The following LPAR1 variants were observed in gnomAD, a reference collection of about 807,000 sequenced individuals.
The protein encoded by LPAR1 is lysophosphatidic acid receptor 1, also known as LPA receptor 1.
In LPAR1, 5 loss-of-function variants were observed where a neutral mutation model predicts 23.8. The observed-to-expected ratio is 0.21, with a 90% CI of 0.11 to 0.44. LPAR1 has a LOEUF of 0.44. Among genes scored for constraint, LPAR1 ranks in the 20% least tolerant of loss-of-function variants. LPAR1 has a pLI of 0.99. For missense variants in LPAR1, 311 were observed against 482.8 expected, an observed-to-expected ratio of 0.64 and a Z score of 3.33; for synonymous variants, 160 against 164.7, an observed-to-expected ratio of 0.97 and a Z score of 0.22.
intron 5 of LPAR1, among the ~76,000 whole-genome samples, chr9:110,896,682 C>T (rs947608486): frequency 2.6e-5 from 4 of 151,982 alleles, no homozygotes; most frequent in African/African-American, 4.8e-5. Context: ...ATTTAAGCAC[C>T]GTATGAACTT....
At chr9:110,949,772 T>A (rs1312991452) in intron 4 of LPAR1, among the ~76,000 whole-genome samples, 1 of 152,224 alleles carries the variant, frequency 6.6e-6, no homozygotes, top group African/African-American at 2.4e-5. Flanking sequence ...ATCTTCAAGA[T>A]ACACACAAAC....
At chr9:111,026,122 A>G (rs1014749286) in intron 2 of LPAR1, among the ~76,000 whole-genome samples, 12 of 152,210 alleles carry the variant, frequency 7.9e-5, no homozygotes, top group African/African-American at 2.9e-4. Flanking sequence ...TTTGGGCAGT[A>G]GGGCCATTTT....
At chr9:111,028,273 G>A (rs1173636007) in intron 2 of LPAR1, among the ~76,000 whole-genome samples, 1 of 152,018 alleles carries the variant, frequency 6.6e-6, no homozygotes, top group African/African-American at 2.4e-5. Flanking sequence ...AGTAGAGACA[G>A]GGTTTTATCA....
In LPAR1 at chr9:110,876,394, C is replaced by T. The variant is rs559111166; in HGVS notation, c.794-672G>A. 3.9e-5 allele frequency among the ~76,000 whole-genome samples: 6 copies of T among 152,276 alleles called. No homozygotes were observed. The South Asian group carries it at 1.2e-3, about 32-fold the overall frequency. On this transcript the variant is annotated intron_variant, in intron 5 of 5. Transcript: ENST00000683809. ...AAATTGTGATTTTCAATGACAAGAT[C>T]TATGTTTTATTTTTATTCAACAACT...
At chr9:110,971,474 A>G (rs1368417064) in intron 4 of LPAR1, among the ~76,000 whole-genome samples, 1 of 152,172 alleles carries the variant, frequency 6.6e-6, no homozygotes, top group East Asian at 1.9e-4. Flanking sequence ...AGTCCAGCCA[A>G]TGCCTGATTA....
At chr9:110,927,830 T>C (rs780531126) in intron 5 of LPAR1, among the ~76,000 whole-genome samples, 2 of 152,138 alleles carry the variant, frequency 1.3e-5, no homozygotes, top group Non-Finnish European at 2.9e-5. Flanking sequence ...TACACAAAGA[T>C]TTTAGTCGTA....
At chr9:110,968,597 T>C (rs915898139) in intron 4 of LPAR1, among the ~76,000 whole-genome samples, 2 of 152,172 alleles carry the variant, frequency 1.3e-5, no homozygotes, top group African/African-American at 4.8e-5. Context: ...GTCTCCACTT[T>C]CCTCCCAGAG....
chr9:110,925,277 T>C (rs1053964387), intron 5 of LPAR1, among the ~76,000 whole-genome samples: 2 of 150,544 alleles, frequency 1.3e-5, no homozygotes, highest in African/African-American at 4.9e-5. Flanking sequence ...AAATAGTCCA[T>C]ATATATAAAG....
At position 111,027,020 on chromosome 9, in the gene LPAR1, A is replaced by G. The variant is rs149491950; in HGVS notation, c.-182+9102T>C. On this transcript the variant is annotated intron_variant, in intron 2 of 5. Transcript: ENST00000683809. ...TGTTGTGTCTCTGCCAGGTTTTAGT[A>G]TCAGGATGATGCTGGCCTCATAAAA... Among the ~76,000 whole-genome samples the G allele has an allele frequency of 2.2e-4, 33 of 152,256 alleles. No individual in the cohort carries two copies. In the East Asian group the frequency reaches 5.4e-3, roughly 25 times the overall value.
At chr9:110,910,394 C>T (rs2092260623) in intron 5 of LPAR1, among the ~76,000 whole-genome samples, 1 of 152,114 alleles carries the variant, frequency 6.6e-6, no homozygotes, top group South Asian at 2.1e-4. Context: ...TGCTAAGAAA[C>T]AAAGATTCCT....
chr9:110,932,489 A>C (rs941340734), intron 5 of LPAR1, among the ~76,000 whole-genome samples: 1 of 152,256 alleles, frequency 6.6e-6, no homozygotes, highest in Non-Finnish European at 1.5e-5. Context: ...TCTTCCATAC[A>C]TGCCAGACAT....
At chr9:110,935,213 G>C (rs927031083) in intron 5 of LPAR1, among the ~76,000 whole-genome samples, 1 of 152,092 alleles carries the variant, frequency 6.6e-6, no homozygotes, top group African/African-American at 2.4e-5. Context: ...ACTGAACAAG[G>C]CAGGGGCAGT....
At chr9:110,898,805 C>T (rs553114638) in intron 5 of LPAR1, among the ~76,000 whole-genome samples, 1 of 152,180 alleles carries the variant, frequency 6.6e-6, no homozygotes, top group Non-Finnish European at 1.5e-5. Context: ...GCAGTGAATT[C>T]TTATTTTTGC....
intron 5 of LPAR1, among the ~76,000 whole-genome samples, chr9:110,896,988 C>T (rs191326824): frequency 5.2e-4 from 79 of 152,068 alleles, no homozygotes; most frequent in African/African-American, 1.7e-3. Flanking sequence ...GGGGTTTCAC[C>T]GTGTTAGCCA....
At chr9:110,939,368 C>T (rs2136074967) in intron 5 of LPAR1, among the ~76,000 whole-genome samples, 1 of 152,292 alleles carries the variant, frequency 6.6e-6, no homozygotes, top group South Asian at 2.1e-4. Flanking sequence ...ATCTTATTCC[C>T]ATCTTTCTTC....
intron 5 of LPAR1, among the ~76,000 whole-genome samples, chr9:110,893,924 T>C (rs925373261): frequency 6.6e-6 from 1 of 152,218 alleles, no homozygotes; most frequent in Non-Finnish European, 1.5e-5. Flanking sequence ...ACAGTAGACT[T>C]TGATAATGAT....
Position 110,875,593 on chromosome 9 carries a change from G to A in LPAR1, c.923C>T (p.Pro308Leu). The change falls in exon 6 of 6, where the codon CCC becomes CTC. Residue 308 changes from proline (P) to leucine (L), a missense_variant. By Grantham distance (98) the Pro-to-Leu change is moderately conservative. This residue lies in a region of LPAR1 where 250 missense variants were observed against 427.2 expected (regional missense o/e 0.59). Coordinates refer to ENST00000683809, the MANE Select transcript of LPAR1 (RefSeq NM_001351411.2). ...LLAEFNSAMNPIIYSYRDKEM... is the reference protein window; with the variant it reads ...LLAEFNSAMNLIIYSYRDKEM... The stretch of plus-strand genomic sequence containing the variant: ...TTTGTCGCGGTAGGAGTAAATGATG[G>A]GGTTCATGGCAGAGTTGAATTCAGC... The A allele has an allele frequency of 6.2e-7, 1 of 1,614,066 alleles. No individual in the cohort carries two copies. Among genetic ancestry groups the A allele is most frequent in the Non-Finnish European group, 8.5e-7 (1 of 1,180,002 alleles).
At chr9:111,023,637 T>C (rs2097612551) in intron 2 of LPAR1, among the ~76,000 whole-genome samples, 1 of 152,176 alleles carries the variant, frequency 6.6e-6, no homozygotes, top group Non-Finnish European at 1.5e-5. Flanking sequence ...GATACTGTAT[T>C]TAACAAATGG....
chr9:110,938,348 C>T (rs528591528), intron 5 of LPAR1, among the ~76,000 whole-genome samples: 45 of 152,222 alleles, frequency 3.0e-4, no homozygotes, highest in Admixed American at 5.9e-4. Flanking sequence ...GTTTTCACAA[C>T]GCTGCTGATC....
Sources: allele counts gnomAD v4.1 joint callset (sites outside exome capture counted in the v4.1 genomes callset), GRCh38; gene constraint gnomAD v4.1.1; regional missense constraint gnomAD v4.1.1; transcripts MANE v1.5; gene names NCBI Gene and HGNC (gene_info 2026-07-23, HGNC 2026-07-21).